CNTN1: variants seen among roughly 807,000 people sequenced by gnomAD.
CNTN1 encodes contactin 1, also known as contactin-1.
Under a neutral mutation model 126.4 loss-of-function variants are expected in CNTN1, and 38 were observed. The observed-to-expected ratio is 0.30, with a 90% CI of 0.23 to 0.39. CNTN1 has a LOEUF of 0.39. Among genes scored for constraint, CNTN1 ranks in the 10% least tolerant of loss-of-function variants. The pLI, the probability that CNTN1 is intolerant of heterozygous loss-of-function variation, is 1.00. For synonymous variants in CNTN1, 413 were observed against 422.6 expected (o/e 0.98, Z 0.28); for missense variants, 1,009 against 1,248.4 (o/e 0.81, Z 2.89).
At chr12:40,858,203 G>T (rs977639788) in intron 1 of CNTN1, among the ~76,000 whole-genome samples, 1 of 151,998 alleles carries the variant, frequency 6.6e-6, no homozygotes, top group Non-Finnish European at 1.5e-5. Flanking sequence ...CCTTCATTTG[G>T]CCTCTCCCAA....
intron 15 of CNTN1, among the ~76,000 whole-genome samples, chr12:40,969,286 T>A (rs1295744452): frequency 6.6e-6 from 1 of 152,108 alleles, no homozygotes; most frequent in African/African-American, 2.4e-5. Context: ...TGAAGGAAAC[T>A]CAGAAAAAGC....
intron 1 of CNTN1, among the ~76,000 whole-genome samples, chr12:40,800,913 G>A (rs1940620199): frequency 6.6e-6 from 1 of 151,908 alleles, no homozygotes; most frequent in Non-Finnish European, 1.5e-5. Flanking sequence ...TAGGGCATAG[G>A]TAGGATTGTG....
chr12:40,782,313 G>T (rs1014016821), intron 1 of CNTN1, among the ~76,000 whole-genome samples: 1 of 151,674 alleles, frequency 6.6e-6, no homozygotes, highest in Non-Finnish European at 1.5e-5. Context: ...ATAAAAAAAA[G>T]GTCAAACCCT....
intron 21 of CNTN1, among the ~76,000 whole-genome samples, 185 bp from the exon 22 acceptor site, chr12:41,027,672 T>C (rs1949062267): frequency 6.6e-6 from 1 of 152,150 alleles, no homozygotes. Flanking sequence ...CACAGGGCCA[T>C]GGGGTACATT....
intron 16 of CNTN1, among the ~76,000 whole-genome samples, chr12:40,984,426 G>T (rs1947902815): frequency 6.6e-6 from 1 of 152,160 alleles, no homozygotes; most frequent in Admixed American, 6.6e-5. Flanking sequence ...GCCAGCATCT[G>T]CTCCTTGTGA....
At chr12:40,824,728 A>G (rs73118720) in intron 1 of CNTN1, among the ~76,000 whole-genome samples, 3,418 of 152,252 alleles carry the variant, frequency 0.022, 126 homozygotes, top group African/African-American at 0.078. Flanking sequence ...ATCAAATTTG[A>G]CAAACATTAA....
chr12:40,792,538 T>C (rs1940257831), intron 1 of CNTN1, among the ~76,000 whole-genome samples: 1 of 152,072 alleles, frequency 6.6e-6, no homozygotes, highest in African/African-American at 2.4e-5. Context: ...TGAAAATTAT[T>C]GTAAACCACA....
rs540338467 is a variant in CNTN1 at position 41,043,472 on chromosome 12, T to G, written c.2980+14253T>G. Among the ~76,000 whole-genome samples, 10 of 152,288 alleles carry G rather than the reference T, an allele frequency of 6.6e-5. No homozygotes were observed. The East Asian group carries it at 7.7e-4, about 12-fold the overall frequency. On this transcript the variant is annotated intron_variant, in intron 23 of 23. Coordinates refer to ENST00000551295, the MANE Select transcript of CNTN1 (RefSeq NM_001843.4). ...AGATACCATCTTACACCAGTTAGAA[T>G]GGTGATCATTAAAAAGTCAGGAAAC...
intron 1 of CNTN1, among the ~76,000 whole-genome samples, chr12:40,794,630 C>A (rs1278249587): frequency 6.6e-6 from 1 of 151,940 alleles, no homozygotes; most frequent in Non-Finnish European, 1.5e-5. Context: ...ATGGAACTGA[C>A]ACCTTGTTAA....
intron 1 of CNTN1, among the ~76,000 whole-genome samples, chr12:40,757,473 T>C (rs1156727311): frequency 6.6e-6 from 1 of 152,208 alleles, no homozygotes; most frequent in African/African-American, 2.4e-5. Flanking sequence ...AAATAAAGTA[T>C]AAAGGTAAGG....
rs372101257 is a variant in CNTN1 at position 41,070,098 on chromosome 12, C to T, written c.*63C>T. 1.9e-5 allele frequency: 27 copies of T among 1,406,880 alleles called. No homozygotes were observed. Among genetic ancestry groups the T allele is most frequent in the Non-Finnish European group, 2.7e-5 (27 of 992,956 alleles). 87.1% of individuals were successfully genotyped at this position (1,406,880 alleles called of 1,614,324 possible). A position where few individuals can be genotyped will look rare whatever the true frequency, so the allele number is the denominator to read the frequency against. On this transcript the variant is annotated 3_prime_UTR_variant, in exon 24 of 24. Transcript: ENST00000551295. ...AAGACACCCTTCAACCCTGGGATGACCACAATTCCTTCCAATTTCTGCGGC... is the reference window on the plus strand; with the variant it reads ...AAGACACCCTTCAACCCTGGGATGATCACAATTCCTTCCAATTTCTGCGGC...
chr12:41,036,043 G>A (rs1949253186), intron 23 of CNTN1, among the ~76,000 whole-genome samples: 1 of 152,120 alleles, frequency 6.6e-6, no homozygotes, highest in South Asian at 2.1e-4. Flanking sequence ...GATAGAGCTA[G>A]TGAAAAGAAA....
At chr12:40,951,060 T>C (rs1194671487) in intron 14 of CNTN1, among the ~76,000 whole-genome samples, 2 of 152,088 alleles carry the variant, frequency 1.3e-5, no homozygotes, top group Non-Finnish European at 2.9e-5. Flanking sequence ...GGAACCAACT[T>C]GAAAACCATA....
intron 1 of CNTN1, among the ~76,000 whole-genome samples, chr12:40,890,759 G>A (rs1944213844): frequency 1.3e-5 from 2 of 152,066 alleles, no homozygotes; most frequent in Admixed American, 1.3e-4. Flanking sequence ...CTCTACTAAA[G>A]GATGGGTTTC....
At chr12:40,696,774 T>G (rs774548796) in intron 1 of CNTN1, among the ~76,000 whole-genome samples, 6 of 152,202 alleles carry the variant, frequency 3.9e-5, no homozygotes, top group Admixed American at 6.5e-5. Flanking sequence ...AATATCTTAT[T>G]ATTATAAGGA....
intron 16 of CNTN1, among the ~76,000 whole-genome samples, chr12:40,984,464 G>T (rs1010047486): frequency 6.6e-6 from 1 of 152,180 alleles, no homozygotes; most frequent in African/African-American, 2.4e-5. Flanking sequence ...CATTCATGGT[G>T]AAAGCAAATT....
chr12:40,809,378 C>T (rs1940968569), intron 1 of CNTN1, among the ~76,000 whole-genome samples: 1 of 152,120 alleles, frequency 6.6e-6, no homozygotes, highest in South Asian at 2.1e-4. Flanking sequence ...CATTAATATC[C>T]TTCTCTGGGG....
intron 1 of CNTN1, among the ~76,000 whole-genome samples, chr12:40,836,057 T>A (rs1011435219): frequency 6.6e-6 from 1 of 150,390 alleles, no homozygotes; most frequent in Non-Finnish European, 1.5e-5. Flanking sequence ...TATATGTATA[T>A]GTATACAGGT....
At chr12:40,892,126 T>G (rs1458055472) in intron 1 of CNTN1, among the ~76,000 whole-genome samples, 1 of 152,132 alleles carries the variant, frequency 6.6e-6, no homozygotes, top group African/African-American at 2.4e-5. Flanking sequence ...TCCTTAGTTT[T>G]GGTCAAATAA....
Sources: gnomAD v4.1 joint callset for allele counts (sites outside exome capture counted in the v4.1 genomes callset) on GRCh38, gnomAD v4.1.1 for gene constraint, MANE v1.5 for transcripts, NCBI Gene and HGNC (gene_info 2026-07-23, HGNC 2026-07-21) for gene names.